The following RIPK1 variants were observed in gnomAD, a reference collection of about 807,000 sequenced individuals.
RIPK1 encodes receptor interacting serine/threonine kinase 1, also known as receptor-interacting serine/threonine-protein kinase 1.
Under a neutral mutation model 62.4 loss-of-function variants are expected in RIPK1, and 27 were observed. That is an observed-to-expected ratio of 0.43 (90% CI 0.32 to 0.60). RIPK1 has a LOEUF of 0.60. RIPK1 is among the 20% of genes least tolerant of loss of function. The pLI is 0.07. For missense variants in RIPK1, 735 were observed against 831.0 expected, an observed-to-expected ratio of 0.88 and a Z score of 1.42; for synonymous variants, 287 against 303.2, an observed-to-expected ratio of 0.95 and a Z score of 0.55.
At chr6:3,095,812 A>G (rs1388891362) in intron 7 of RIPK1, among the ~76,000 whole-genome samples, 5 of 151,854 alleles carry the variant, frequency 3.3e-5, no homozygotes, top group African/African-American at 4.8e-5. Flanking sequence ...AACGAACAGA[A>G]GTTTTGTACT....
chr6:3,095,070 GAAAA>G (rs1003138491), intron 7 of RIPK1, among the ~76,000 whole-genome samples: 36 of 151,052 alleles, frequency 2.4e-4, no homozygotes, highest in Non-Finnish European at 1.8e-4. Context: ...AGAAAAAAAA[GAAAA>G]AAAAGACTGA....
chr6:3,076,942 G>A lies in RIPK1; in HGVS notation c.119G>A (p.Gly40Glu). 1 of 1,606,526 alleles carries A rather than the reference G, an allele frequency of 6.2e-7. No individual in the cohort carries two copies. The change falls in exon 2 of 11, where the codon GGA becomes GAA. Residue 40 changes from glycine (G) to glutamate (E), a missense_variant. Coordinates refer to ENST00000259808, the MANE Select transcript of RIPK1 (RefSeq NM_001354930.2). Reference protein sequence around the residue: ...KVSLCFHRTQGLMIMKTVYKG... With the variant: ...KVSLCFHRTQELMIMKTVYKG... ...TCTCTGTGTTTCCACAGAACCCAGG[G>A]ACTCATGATCATGAAAACAGTGTAC... is the stretch of plus-strand genomic sequence containing the variant.
At chr6:3,068,814 C>T (rs1409745017) in intron 1 of RIPK1, 153 bp downstream of exon 1, 3 of 297,046 alleles carry the variant, frequency 1.0e-5, no homozygotes, top group East Asian at 3.4e-4. Flanking sequence ...GCCGCCGCTT[C>T]TTCCCTCACC....
intron 9 of RIPK1, among the ~76,000 whole-genome samples, chr6:3,109,139 A>T (rs1761024968): frequency 6.6e-6 from 1 of 152,132 alleles, no homozygotes; most frequent in Non-Finnish European, 1.5e-5. Context: ...GTACAAAAAC[A>T]AGTGGGTGTG....
At position 3,089,729 on chromosome 6, in the gene RIPK1, A is replaced by G. The variant is rs13193956; in HGVS notation, c.915+72A>G. ...TACTGTCAATCATGAAAACCAAAAC[A>G]AAGTGATTTGTTATTGAGATTTGAG... On this transcript the variant is annotated intron_variant, in intron 7 of 10. Transcript: ENST00000259808. The G allele has an allele frequency of 2.4e-3, 2,057 of 872,946 alleles. 24 individuals carry two copies. In the African/African-American group the frequency reaches 0.031, roughly 13 times the overall value. The allele number at this position is 872,946 out of a possible 1,614,324, so 54.1% of individuals were successfully genotyped here. A position where few individuals can be genotyped will look rare whatever the true frequency, so the allele number is the denominator to read the frequency against.
At chr6:3,070,890 G>T (rs1006043897) in intron 1 of RIPK1, among the ~76,000 whole-genome samples, 1 of 152,202 alleles carries the variant, frequency 6.6e-6, no homozygotes, top group African/African-American at 2.4e-5. Flanking sequence ...GTATTAGTGA[G>T]CCAATAGTGA....
At chr6:3,109,129 G>A (rs17513520) in intron 9 of RIPK1, among the ~76,000 whole-genome samples, 3,371 of 152,290 alleles carry the variant, frequency 0.022, 74 homozygotes, top group East Asian at 0.07. Context: ...AGTGTAAGGA[G>A]TACAAAAACA....
At chr6:3,078,326 T>C (rs1485494396) in intron 3 of RIPK1, among the ~76,000 whole-genome samples, 1 of 152,102 alleles carries the variant, frequency 6.6e-6, no homozygotes, top group African/African-American at 2.4e-5. Flanking sequence ...AAATCCCCTC[T>C]CTACAAAAAA....
Position 3,111,065 on chromosome 6 carries a change from CTTA to C in RIPK1, c.1729+112_1729+114del, listed in dbSNP as rs367947797. The C allele has an allele frequency of 1.1e-4, 72 of 681,940 alleles. No homozygotes were observed. The East Asian group carries it at 1.7e-3, about 16-fold the overall frequency. The allele number at this position is 681,940 out of a possible 1,614,324, so 42.2% of individuals were successfully genotyped here. A position where few individuals can be genotyped will look rare whatever the true frequency, so the allele number is the denominator to read the frequency against. ...TCTGATAATTCTTCTTGAAAGTTTT[CTTA>C]TGTTACTTCTGCAAAATATCTTTGT... On this transcript the variant is annotated intron_variant, in intron 10 of 10. Coordinates refer to ENST00000259808, the MANE Select transcript of RIPK1 (RefSeq NM_001354930.2).
intron 7 of RIPK1, among the ~76,000 whole-genome samples, chr6:3,096,644 C>G (rs1225059962): frequency 1.4e-5 from 2 of 144,950 alleles, no homozygotes; most frequent in African/African-American, 5.1e-5. Context: ...ACTGCAAGCT[C>G]TGCCTCCTGG....
chr6:3,079,603 A>G (rs1759271378), intron 3 of RIPK1, among the ~76,000 whole-genome samples: 1 of 152,206 alleles, frequency 6.6e-6, no homozygotes, highest in South Asian at 2.1e-4. Flanking sequence ...TGCACAGGGT[A>G]TGGGGAGGGG....
At chr6:3,067,051 A>ATTTTTTTTTTTTTTTT (rs36132424), upstream of RIPK1, among the ~76,000 whole-genome samples, 6 of 59,044 alleles carry the variant, frequency 1.0e-4, 1 homozygote, top group Admixed American at 4.4e-4. Flanking sequence ...TTGCTCCAGG[A>ATTTTTTTTTTTTTTTT]TTTTTTTTTT....
chr6:3,076,933 G>A lies in RIPK1; in HGVS notation c.110G>A (p.Arg37Lys). ...GFGKVSLCFHRTQGLMIMKTV... is the reference protein window; with the variant it reads ...GFGKVSLCFHKTQGLMIMKTV... ...GGGAAGGTGTCTCTGTGTTTCCACA[G>A]AACCCAGGGACTCATGATCATGAAA... Residue 37 changes from arginine (R) to lysine (K), a missense_variant, in exon 2 of 11, where the codon AGA becomes AAA. By Grantham distance (26) the Arg-to-Lys change is conservative (BLOSUM62 2). Around this residue, in one of 2 missense-constraint regions of RIPK1, gnomAD observed 671 missense variants for 726.2 expected, o/e 0.92. Transcript: ENST00000259808. 6.2e-7 allele frequency: 1 copy of A among 1,605,116 alleles called. No individual in the cohort carries two copies. Among genetic ancestry groups the A allele is most frequent in the Admixed American group, 1.7e-5 (1 of 59,720 alleles).
chr6:3,084,587 C>T (rs1406994414), intron 5 of RIPK1, among the ~76,000 whole-genome samples: 4 of 121,954 alleles, frequency 3.3e-5, no homozygotes, highest in Admixed American at 2.2e-4. Context: ...ACCCCTTGTA[C>T]ATCCTTTTTT....
At chr6:3,068,823 C>T (rs12663589) in intron 1 of RIPK1, 162 bp downstream of exon 1, 130,241 of 257,386 alleles carry the variant, frequency 0.51, 34,435 homozygotes, top group Non-Finnish European at 0.56. Flanking sequence ...TCTTCCCTCA[C>T]CCGGGCCTCC....
At chr6:3,064,860 C>A (rs1208231797), upstream of RIPK1, among the ~76,000 whole-genome samples, 1 of 151,988 alleles carries the variant, frequency 6.6e-6, no homozygotes, top group African/African-American at 2.4e-5. Context: ...AAGGGAGGGG[C>A]AGGTGGAGAA....
At chr6:3,090,502 A>G (rs1759990181) in intron 7 of RIPK1, among the ~76,000 whole-genome samples, 1 of 152,182 alleles carries the variant, frequency 6.6e-6, no homozygotes, top group Non-Finnish European at 1.5e-5. Context: ...TAAAAGGCCC[A>G]ATTCATCTGG....
chr6:3,068,193 G>T, upstream of RIPK1: 1 of 980,320 alleles, frequency 1.0e-6, no homozygotes, highest in Non-Finnish European at 1.2e-6. Flanking sequence ...GATGAAGGTA[G>T]AGGAATGCTA....
intron 2 of RIPK1, 58 bp downstream of exon 2, chr6:3,077,045 G>C: frequency 6.7e-7 from 1 of 1,494,608 alleles, no homozygotes; most frequent in Non-Finnish European, 9.0e-7. Flanking sequence ...GACGTTGGCT[G>C]TTGTGGAGCC....
Sources: allele counts gnomAD v4.1 joint callset (sites outside exome capture counted in the v4.1 genomes callset), GRCh38; gene constraint gnomAD v4.1.1; regional missense constraint gnomAD v4.1.1; transcripts MANE v1.5; gene names NCBI Gene and HGNC (gene_info 2026-07-23, HGNC 2026-07-21).